The following UBE2E2 variants were observed in gnomAD, a reference collection of about 807,000 sequenced individuals.
UBE2E2 encodes ubiquitin-conjugating enzyme E2 E2.
In UBE2E2, 6 loss-of-function variants were observed where a neutral mutation model predicts 24.7. The ratio of observed to expected loss-of-function variants is 0.24; its 90% CI spans 0.13 to 0.48. UBE2E2 has a LOEUF of 0.48. Ranked by LOEUF, UBE2E2 falls within the 20% of genes least tolerant of loss-of-function variation. UBE2E2 has a pLI of 0.99. For synonymous variants in UBE2E2, 104 were observed against 83.6 expected (o/e 1.24, Z -1.33); for missense variants, 169 against 245.0 (o/e 0.69, Z 2.07).
chr3:23,481,951 T>C (rs1011127985), intron 3 of UBE2E2, among the ~76,000 whole-genome samples: 1 of 152,192 alleles, frequency 6.6e-6, no homozygotes, highest in East Asian at 1.9e-4. Context: ...CTGTAGAAAA[T>C]TGATGTAGAT....
intron 3 of UBE2E2, among the ~76,000 whole-genome samples, chr3:23,387,129 AT>A (rs1696821186): frequency 6.6e-6 from 1 of 152,242 alleles, no homozygotes; most frequent in South Asian, 2.1e-4. Context: ...AGACGCACAT[AT>A]GCAGATGCTA....
intron 3 of UBE2E2, among the ~76,000 whole-genome samples, chr3:23,425,310 C>G (rs1697900045): frequency 6.6e-6 from 1 of 152,104 alleles, no homozygotes; most frequent in Non-Finnish European, 1.5e-5. Flanking sequence ...GATAGTTGGA[C>G]AAATCATTTA....
intron 3 of UBE2E2, among the ~76,000 whole-genome samples, chr3:23,434,047 A>C (rs1461278515): frequency 6.6e-6 from 1 of 152,194 alleles, no homozygotes; most frequent in East Asian, 1.9e-4. Context: ...TGCAGCTAAT[A>C]TGCACTGTCT....
intron 3 of UBE2E2, among the ~76,000 whole-genome samples, chr3:23,269,384 G>A (rs1049771952): frequency 2.0e-5 from 3 of 152,270 alleles, no homozygotes; most frequent in South Asian, 2.1e-4. Flanking sequence ...TGGAGTTGGC[G>A]TGTAGCGTTA....
At chr3:23,351,335 G>A (rs1394352595) in intron 3 of UBE2E2, among the ~76,000 whole-genome samples, 1 of 152,142 alleles carries the variant, frequency 6.6e-6, no homozygotes, top group Non-Finnish European at 1.5e-5. Context: ...CAACTAACAA[G>A]CAAAATAACC....
intron 3 of UBE2E2, among the ~76,000 whole-genome samples, chr3:23,422,585 A>T (rs1334292573): frequency 6.6e-6 from 1 of 152,208 alleles, no homozygotes; most frequent in Non-Finnish European, 1.5e-5. Context: ...CCTCAGCCCT[A>T]TGTTGGAACA....
At chr3:23,372,621 A>G (rs1381413123) in intron 3 of UBE2E2, among the ~76,000 whole-genome samples, 1 of 152,254 alleles carries the variant, frequency 6.6e-6, no homozygotes, top group African/African-American at 2.4e-5. Context: ...TGTAGTACAG[A>G]TAAGCATACA....
At chr3:23,392,117 A>G (rs1575601780) in intron 3 of UBE2E2, among the ~76,000 whole-genome samples, 1 of 152,158 alleles carries the variant, frequency 6.6e-6, no homozygotes, top group East Asian at 1.9e-4. Context: ...ACATAACAAG[A>G]GTGTATAGTC....
intron 3 of UBE2E2, among the ~76,000 whole-genome samples, chr3:23,341,184 C>A (rs1647428129): frequency 6.6e-6 from 1 of 152,144 alleles, no homozygotes; most frequent in South Asian, 2.1e-4. Context: ...GGTAAGACTA[C>A]AGACCTAAAG....
intron 4 of UBE2E2, among the ~76,000 whole-genome samples, chr3:23,503,466 A>C (rs1165316177): frequency 6.6e-6 from 1 of 152,018 alleles, no homozygotes; most frequent in African/African-American, 2.4e-5. Context: ...GCTGGATTAC[A>C]ACCGTGAGCC....
intron 3 of UBE2E2, among the ~76,000 whole-genome samples, chr3:23,279,628 C>G (rs1213339027): frequency 6.6e-6 from 1 of 152,126 alleles, no homozygotes; most frequent in Non-Finnish European, 1.5e-5. Context: ...CCAGTTGGAA[C>G]CAGCTTAGGG....
At chr3:23,565,672 G>C (rs79562849) in intron 5 of UBE2E2, among the ~76,000 whole-genome samples, 4,391 of 151,988 alleles carry the variant, frequency 0.029, 105 homozygotes, top group East Asian at 0.13. Flanking sequence ...CTCTGAAAAG[G>C]TTTAAAATCC....
intron 3 of UBE2E2, among the ~76,000 whole-genome samples, chr3:23,455,358 A>T (rs938325526): frequency 1.1e-4 from 16 of 152,226 alleles, no homozygotes; most frequent in African/African-American, 3.6e-4. Context: ...TTTATACTGT[A>T]TTGTAGCCAA....
intron 3 of UBE2E2, among the ~76,000 whole-genome samples, chr3:23,362,350 A>G (rs538270764): frequency 1.3e-5 from 2 of 152,268 alleles, no homozygotes; most frequent in Non-Finnish European, 2.9e-5. Context: ...CAGAGAGCCC[A>G]TTTTGTGTGG....
chr3:23,322,898 A>G (rs1185338956), intron 3 of UBE2E2, among the ~76,000 whole-genome samples: 1 of 151,952 alleles, frequency 6.6e-6, no homozygotes, highest in Non-Finnish European at 1.5e-5. Context: ...TTAGCTGTAG[A>G]GTCCTAAGGA....
Position 23,331,502 on chromosome 3 carries a change from G to A in UBE2E2, c.227+114190G>A, listed in dbSNP as rs1695056413. Reference sequence around the variant, plus strand: ...AGAGAGATAGCTGTCAATGGATGGGGGCAGGGAGGGGGGTAAGGTGGTGAT... The same window carrying A: ...AGAGAGATAGCTGTCAATGGATGGGAGCAGGGAGGGGGGTAAGGTGGTGAT... On this transcript the variant is annotated intron_variant, in intron 3 of 5. Transcript: ENST00000396703. Among the ~76,000 whole-genome samples the A allele has an allele frequency of 2.0e-5, 3 of 151,286 alleles. No homozygotes were observed. In the South Asian group the frequency reaches 6.2e-4, roughly 31 times the overall value.
intron 3 of UBE2E2, among the ~76,000 whole-genome samples, chr3:23,307,683 T>A (rs1251660288): frequency 1.3e-5 from 2 of 152,158 alleles, no homozygotes; most frequent in African/African-American, 4.8e-5. Context: ...TTGATATAGA[T>A]CCCATTAAAC....
At chr3:23,487,442 C>T (rs1474371585) in intron 3 of UBE2E2, among the ~76,000 whole-genome samples, 14 of 152,156 alleles carry the variant, frequency 9.2e-5, no homozygotes, top group Admixed American at 9.2e-4. Flanking sequence ...TGTTCCCTGC[C>T]CCTGCCAGCT....
At chr3:23,532,767 C>T (rs889668912) in intron 5 of UBE2E2, 66 bp downstream of exon 5, 11 of 1,370,738 alleles carry the variant, frequency 8.0e-6, no homozygotes, top group Non-Finnish European at 1.1e-5. Context: ...CCCTTAGTAA[C>T]TTGTTTACTA....
Sources: gnomAD v4.1 joint callset for allele counts (sites outside exome capture counted in the v4.1 genomes callset) on GRCh38, gnomAD v4.1.1 for gene constraint, MANE v1.5 for transcripts, NCBI Gene and HGNC (gene_info 2026-07-23, HGNC 2026-07-21) for gene names.